Variants in DCAF16 observed in about 807,000 individuals in gnomAD.
DCAF16 encodes DDB1 and CUL4 associated factor 16.
DCAF16 carries 10 observed loss-of-function variants against 17.3 expected under a neutral mutation model. That is an observed-to-expected ratio of 0.58 (90% CI 0.36 to 0.98). DCAF16 has a LOEUF of 0.98. Ranked by LOEUF, DCAF16 falls within the 50% of genes least tolerant of loss-of-function variation. The pLI, the probability that DCAF16 is intolerant of heterozygous loss-of-function variation, is 0.01. For synonymous variants in DCAF16, 111 were observed against 92.8 expected (o/e 1.20, Z -1.12); for missense variants, 249 against 247.6 (o/e 1.01, Z -0.04).
At position 17,803,497 on chromosome 4, in the gene DCAF16, T is replaced by C. The variant is rs749250825; in HGVS notation, c.645A>G (p.Ser215=). ...QKAVNKLLTA[S]L is the part of the protein sequence containing the mutation. Reference sequence around the variant, plus strand: ...CAGAGCAAATGGTAGATCTTTACAGTGATGCAGTTAGGAGTTTGTTAACTG... The same window carrying C: ...CAGAGCAAATGGTAGATCTTTACAGCGATGCAGTTAGGAGTTTGTTAACTG... Residue 215 remains serine, a synonymous_variant, in exon 3 of 3, where the codon TCA becomes TCG. Transcript: ENST00000382247. 1 of 1,613,000 alleles carries C rather than the reference T, an allele frequency of 6.2e-7. No homozygotes were observed. Among genetic ancestry groups the C allele is most frequent in the Non-Finnish European group, 8.5e-7 (1 of 1,179,200 alleles).
At chr4:17,794,598 T>C in the DCAF16 span, among the ~76,000 whole-genome samples, 18 of 152,276 alleles carry the variant, frequency 1.2e-4, no homozygotes, top group East Asian at 1.5e-3. Flanking sequence ...AAATACAAAA[T>C]TGAGATTTCC....
Position 17,810,674 on chromosome 4 carries a change from C to T in DCAF16, c.-977G>A, listed in dbSNP as rs1049688479. 9 of 164,734 alleles carry T rather than the reference C, an allele frequency of 5.5e-5. No homozygotes were observed. The highest frequency in any genetic ancestry group is 9.1e-5 in the Non-Finnish European group (7 of 76,634). The allele number at this position is 164,734 out of a possible 1,614,324, so 10.2% of individuals were successfully genotyped here. ...CTTTCTAGCCTCACGCTCAGCCGCA[C>T]GACCCAGCCAGGCCTAACGCCAGCA... is the stretch of plus-strand genomic sequence containing the variant. On this transcript the variant is annotated 5_prime_UTR_variant, in exon 1 of 3. In the 5' UTR this introduces an upstream ATG that the reference lacks. Transcript: ENST00000382247.
chr4:17,796,605 G>C (rs981157310), downstream of DCAF16, among the ~76,000 whole-genome samples: 2 of 152,168 alleles, frequency 1.3e-5, no homozygotes, highest in African/African-American at 4.8e-5. Flanking sequence ...TACTCAGGAG[G>C]CCAAGGCAGG....
chr4:17,807,119 G>C (rs1397355859), intron 1 of DCAF16, among the ~76,000 whole-genome samples: 3 of 152,146 alleles, frequency 2.0e-5, no homozygotes, highest in Admixed American at 2.0e-4. Flanking sequence ...CCTAAATGGG[G>C]ATGGTAAAAC....
chr4:17,805,394 T>A (rs913800058), intron 1 of DCAF16, among the ~76,000 whole-genome samples, 169 bp from the exon 2 acceptor site: 1 of 152,044 alleles, frequency 6.6e-6, no homozygotes, highest in Non-Finnish European at 1.5e-5. Context: ...TTAAAAAGAA[T>A]GTTATTATCA....
In DCAF16 at chr4:17,804,076, A is replaced by C; in HGVS notation, c.66T>G (p.Ile22Met). The C allele has an allele frequency of 1.2e-6, 2 of 1,614,140 alleles. No homozygotes were observed. Among genetic ancestry groups the C allele is most frequent in the Non-Finnish European group, 1.7e-6 (2 of 1,179,996 alleles). ...CCCCAGAACTCTCATTTAGGTAACT[A>C]ATATTTTCTTCTTCCTCACTTTCTG... ...SESESEEEEN[I>M]SYLNESSGEE... The change falls in exon 3 of 3, where the codon ATT becomes ATG. Residue 22 changes from isoleucine to methionine, a missense_variant. Coordinates refer to ENST00000382247, the MANE Select transcript of DCAF16 (RefSeq NM_017741.4).
At chr4:17,798,310 C>CTTTTTTTTTTT (rs61478198), downstream of DCAF16, among the ~76,000 whole-genome samples, 2 of 131,278 alleles carry the variant, frequency 1.5e-5, no homozygotes, top group Non-Finnish European at 1.6e-5. Flanking sequence ...TGTTATTTTC[C>CTTTTTTTTTTT]TTTTTTTTTT....
At position 17,804,289 on chromosome 4, in the gene DCAF16, T is replaced by C. The variant is rs1720104647; in HGVS notation, c.-148A>G. 2 of 670,256 alleles carry C rather than the reference T, an allele frequency of 3.0e-6. No homozygotes were observed. Among genetic ancestry groups the C allele is most frequent in the South Asian group, 2.0e-5 (1 of 50,906 alleles). The allele number at this position is 670,256 out of a possible 1,614,324, so 41.5% of individuals were successfully genotyped here. A position where few individuals can be genotyped will look rare whatever the true frequency, so the allele number is the denominator to read the frequency against. On this transcript the variant is annotated 5_prime_UTR_variant, in exon 3 of 3. Coordinates refer to ENST00000382247, the MANE Select transcript of DCAF16 (RefSeq NM_017741.4). The stretch of plus-strand genomic sequence containing the variant: ...AGTCCGTTACACACATAAAGTATGC[T>C]TGTGGCCCATACCACTGTGCCGTTC...
intron 1 of DCAF16, among the ~76,000 whole-genome samples, chr4:17,807,801 T>C (rs1227457984): frequency 1.3e-5 from 2 of 152,218 alleles, no homozygotes; most frequent in African/African-American, 4.8e-5. Context: ...TGCTACTCTG[T>C]AGGGGGGATT....
rs533021670 is a variant in DCAF16 at position 17,803,085 on chromosome 4, C to G, written c.*406G>C. 2.2e-3 allele frequency: 366 copies of G among 170,148 alleles called. 1 individual carries two copies. The highest frequency in any genetic ancestry group is 7.8e-3 in the African/African-American group (326 of 41,556). The allele number at this position is 170,148 out of a possible 1,614,324, so 10.5% of individuals were successfully genotyped here. A position where few individuals can be genotyped will look rare whatever the true frequency, so the allele number is the denominator to read the frequency against. On this transcript the variant is annotated 3_prime_UTR_variant, in exon 3 of 3. Transcript: ENST00000382247. The stretch of plus-strand genomic sequence containing the variant: ...TGTCACCCAGGCTGGAGTACAGTGG[C>G]ATAATCTCAACTCACCGCAACCTCC...
In DCAF16 at chr4:17,804,158, A is replaced by G; in HGVS notation, c.-17T>C. The G allele has an allele frequency of 6.3e-7, 1 of 1,595,984 alleles. No individual in the cohort carries two copies. The highest frequency in any genetic ancestry group is 8.5e-7 in the Non-Finnish European group (1 of 1,171,902). On this transcript the variant is annotated 5_prime_UTR_variant, in exon 3 of 3. Coordinates refer to ENST00000382247, the MANE Select transcript of DCAF16 (RefSeq NM_017741.4). ...AGGACCCATCAGAATAAAACACAGTAAGGAACCAGAAAAAGGTAATAATCT... is the reference window on the plus strand; with the variant it reads ...AGGACCCATCAGAATAAAACACAGTGAGGAACCAGAAAAAGGTAATAATCT...
At chr4:17,794,431 CA>C in the DCAF16 span, among the ~76,000 whole-genome samples, 2 of 152,070 alleles carry the variant, frequency 1.3e-5, no homozygotes, top group African/African-American at 4.8e-5. Context: ...TGTTGGCACT[CA>C]AAAAGTTTTG....
In DCAF16 at chr4:17,801,097, T is replaced by TA. The variant is rs2109014090; in HGVS notation, c.*2393dup. ...GGTTATAAGCATTCTTCTCTCTTCTTAAAGTTGCTATATATTTACACAATT... is the reference window on the plus strand; with the variant it reads ...GGTTATAAGCATTCTTCTCTCTTCTTAAAAGTTGCTATATATTTACACAATT... On this transcript the variant is annotated 3_prime_UTR_variant, in exon 3 of 3. Coordinates refer to ENST00000382247, the MANE Select transcript of DCAF16 (RefSeq NM_017741.4). 1 of 152,236 alleles carries TA rather than the reference T, an allele frequency of 6.6e-6. No individual in the cohort carries two copies. Among genetic ancestry groups the TA allele is most frequent in the South Asian group, 2.1e-4 (1 of 4,824 alleles). 9.4% of individuals were successfully genotyped at this position (152,236 alleles called of 1,614,324 possible). A position where few individuals can be genotyped will look rare whatever the true frequency, so the allele number is the denominator to read the frequency against.
rs1409883966 is a variant in DCAF16 at position 17,804,595 on chromosome 4, T to C, written c.-454A>G. 8.3e-4 allele frequency: 148 copies of C among 179,344 alleles called. 1 individual carries two copies. 11.1% of individuals were successfully genotyped at this position (179,344 alleles called of 1,614,324 possible). On this transcript the variant is annotated 5_prime_UTR_variant, in exon 3 of 3. Coordinates refer to ENST00000382247, the MANE Select transcript of DCAF16 (RefSeq NM_017741.4). The stretch of plus-strand genomic sequence containing the variant: ...AATCAAAAGAAGCTCAGTAGTTGTC[T>C]TGCTTGTCCGCTGGTATAGCAACTT...
Position 17,800,867 on chromosome 4 carries a change from A to G in DCAF16, c.*2624T>C, listed in dbSNP as rs963195857. On this transcript the variant is annotated 3_prime_UTR_variant, in exon 3 of 3. Transcript: ENST00000382247. Reference sequence around the variant, plus strand: ...CCACCTCCACTTAAACAAACAAACAAAAAAAAAGGAAACAGTTTCCTGTAA... The same window carrying G: ...CCACCTCCACTTAAACAAACAAACAGAAAAAAAGGAAACAGTTTCCTGTAA... 8.7e-6 allele frequency: 1 copy of G among 114,718 alleles called. No homozygotes were observed. The highest frequency in any genetic ancestry group is 8.8e-5 in the Admixed American group (1 of 11,402). 7.1% of individuals were successfully genotyped at this position (114,718 alleles called of 1,614,324 possible). A position where few individuals can be genotyped will look rare whatever the true frequency, so the allele number is the denominator to read the frequency against.
chr4:17,798,177 CTAAA>C (rs373474227), downstream of DCAF16, among the ~76,000 whole-genome samples: 1,031 of 152,288 alleles, frequency 6.8e-3, 14 homozygotes, highest in African/African-American at 0.023. Context: ...CAGAATCTTC[CTAAA>C]TAAACTGCCC....
rs1015312467 is a variant in DCAF16 at position 17,801,996 on chromosome 4, G to A, written c.*1495C>T. ...TGGACGCCTGTAGTCCCAGCTATTC[G>A]GGAGGCAGGGCAGGAGAATGGCACG... is the stretch of plus-strand genomic sequence containing the variant. On this transcript the variant is annotated 3_prime_UTR_variant, in exon 3 of 3. Coordinates refer to ENST00000382247, the MANE Select transcript of DCAF16 (RefSeq NM_017741.4). 11 of 152,126 alleles carry A rather than the reference G, an allele frequency of 7.2e-5. No individual in the cohort carries two copies. Among genetic ancestry groups the A allele is most frequent in the African/African-American group, 2.7e-4 (11 of 41,246 alleles). The allele number at this position is 152,126 out of a possible 1,614,324, so 9.4% of individuals were successfully genotyped here.
At position 17,803,879 on chromosome 4, in the gene DCAF16, T is replaced by C. The variant is rs760997117; in HGVS notation, c.263A>G (p.His88Arg). The part of the protein sequence containing the change: ...AKLLDPSTPV[H>R]ILREIGLRLS... ...TCTTAGACCTATCTCTCGAAGTATA[T>C]GGACTGGTGTGCTTGGATCCAACAG... The change falls in exon 3 of 3, where the codon CAT becomes CGT. Residue 88 changes from histidine to arginine, a missense_variant. By Grantham distance (29) the His-to-Arg change is conservative (BLOSUM62 0). Coordinates refer to ENST00000382247, the MANE Select transcript of DCAF16 (RefSeq NM_017741.4). 4.9e-5 allele frequency: 79 copies of C among 1,614,062 alleles called. No homozygotes were observed. Among genetic ancestry groups the C allele is most frequent in the Non-Finnish European group, 6.6e-5 (78 of 1,180,036 alleles).
At position 17,804,022 on chromosome 4, in the gene DCAF16, G is replaced by T; in HGVS notation, c.120C>A (p.Asp40Glu). The T allele has an allele frequency of 6.2e-7, 1 of 1,614,154 alleles. No homozygotes were observed. The highest frequency in any genetic ancestry group is 8.5e-7 in the Non-Finnish European group (1 of 1,180,026). The change falls in exon 3 of 3, where the codon GAC (aspartate) becomes GAA (glutamate). Residue 40 changes from aspartate (D) to glutamate (E), a missense_variant. Transcript: ENST00000382247. ...GEEWDSSEEE[D>E]SMVPNLSPLE... Reference sequence around the variant, plus strand: ...GAGGCGATAAGTTGGGCACCATAGAGTCCTCTTCTTCAGAGGAATCCCACT... The same window carrying T: ...GAGGCGATAAGTTGGGCACCATAGATTCCTCTTCTTCAGAGGAATCCCACT...
Sources: gnomAD v4.1 joint callset for allele counts (sites outside exome capture counted in the v4.1 genomes callset) on GRCh38, gnomAD v4.1.1 for gene constraint, MANE v1.5 for transcripts, NCBI Gene and HGNC (gene_info 2026-07-23, HGNC 2026-07-21) for gene names.